PRDM16: variants seen among roughly 807,000 people sequenced by gnomAD.
PRDM16 encodes PR/SET domain 16, also known as histone-lysine N-methyltransferase PRDM16.
A neutral mutation model predicts 110.6 loss-of-function variants in PRDM16; 23 were observed. That is an observed-to-expected ratio of 0.21 (90% CI 0.15 to 0.29). The LOEUF (loss-of-function observed/expected upper bound fraction) is 0.29. Among genes scored for constraint, PRDM16 ranks in the 10% least tolerant of loss-of-function variants. The pLI is 1.00. For missense variants in PRDM16, 1,615 were observed against 1,794.3 expected, an observed-to-expected ratio of 0.90 and a Z score of 1.81; for synonymous variants, 799 against 781.8, an observed-to-expected ratio of 1.02 and a Z score of -0.37.
intron 3 of PRDM16, among the ~76,000 whole-genome samples, chr1:3,360,179 G>A (rs1449048487): frequency 6.6e-6 from 1 of 152,228 alleles, no homozygotes; most frequent in Non-Finnish European, 1.5e-5. Context: ...GGAACGGGAG[G>A]CCCAGGACAC....
intron 3 of PRDM16, among the ~76,000 whole-genome samples, chr1:3,282,013 G>T (rs1480700360): frequency 6.6e-6 from 1 of 152,206 alleles, no homozygotes; most frequent in Non-Finnish European, 1.5e-5. Context: ...CTGCAGTCAG[G>T]TCAGCCATGA....
intron 1 of PRDM16, among the ~76,000 whole-genome samples, chr1:3,156,292 G>A (rs1448974575): frequency 6.6e-6 from 1 of 152,154 alleles, no homozygotes; most frequent in Non-Finnish European, 1.5e-5. Flanking sequence ...CACTTTGAGT[G>A]TTAATTGTGA....
At chr1:3,095,611 C>T (rs1642378133) in intron 1 of PRDM16, among the ~76,000 whole-genome samples, 1 of 152,144 alleles carries the variant, frequency 6.6e-6, no homozygotes, top group Non-Finnish European at 1.5e-5. Flanking sequence ...ACAGGACGGT[C>T]TCCTCCTTCA....
At chr1:3,233,243 T>C (rs115484691) in intron 2 of PRDM16, among the ~76,000 whole-genome samples, 1,729 of 152,222 alleles carry the variant, frequency 0.011, 29 homozygotes, top group African/African-American at 0.039. Flanking sequence ...GCACCTCCTG[T>C]GTCGTCGGTG....
At chr1:3,154,996 T>A (rs1049260263) in intron 1 of PRDM16, among the ~76,000 whole-genome samples, 1 of 152,228 alleles carries the variant, frequency 6.6e-6, no homozygotes, top group Non-Finnish European at 1.5e-5. Context: ...ACAGACTGTT[T>A]CTTCCCAGAC....
intron 8 of PRDM16, among the ~76,000 whole-genome samples, chr1:3,407,808 G>A (rs1419587135): frequency 6.6e-6 from 1 of 152,222 alleles, no homozygotes; most frequent in African/African-American, 2.4e-5. Flanking sequence ...GATGGAGTGA[G>A]GACAGGGAAA....
rs560131746 is a variant in PRDM16 at position 3,430,455 on chromosome 1, G to A, written c.3285-417G>A. ...CTCTCGGGCCAGTGCCCACGTCCTC[G>A]AGTTGTCAGCCTGAATTCCTTCCCC... On this transcript the variant is annotated intron_variant, in intron 14 of 16. Transcript: ENST00000270722. Among the ~76,000 whole-genome samples the A allele has an allele frequency of 5.3e-5, 8 of 152,314 alleles. No individual in the cohort carries two copies. The South Asian group carries it at 8.3e-4, about 16-fold the overall frequency.
intron 3 of PRDM16, among the ~76,000 whole-genome samples, chr1:3,303,758 C>T (rs1260264637): frequency 1.3e-5 from 2 of 152,240 alleles, no homozygotes; most frequent in African/African-American, 2.4e-5. Flanking sequence ...CTGTGGGGTG[C>T]GGTGCATCTC....
intron 3 of PRDM16, among the ~76,000 whole-genome samples, chr1:3,298,966 T>G (rs1250137568): frequency 2.0e-5 from 3 of 152,248 alleles, no homozygotes; most frequent in Non-Finnish European, 4.4e-5. Flanking sequence ...CAGGGCTGTC[T>G]GGATGTGAAG....
At chr1:3,078,125 G>A (rs778623484) in intron 1 of PRDM16, among the ~76,000 whole-genome samples, 5 of 152,168 alleles carry the variant, frequency 3.3e-5, no homozygotes, top group African/African-American at 7.2e-5. Context: ...GCAGGGGGCT[G>A]GGGGCTTCTG....
Position 3,244,113 on chromosome 1 carries a change from G to A in PRDM16, c.414G>A (p.Ser138=), listed in dbSNP as rs201641748. 80 of 1,613,788 alleles carry A rather than the reference G, an allele frequency of 5.0e-5. No homozygotes were observed. Among genetic ancestry groups the A allele is most frequent in the African/African-American group, 8.0e-5 (6 of 74,924 alleles). Residue 138 remains serine, a synonymous_variant, in exon 3 of 17, where the codon TCG becomes TCA. Coordinates refer to ENST00000270722, the MANE Select transcript of PRDM16 (RefSeq NM_022114.4). The surrounding 1 kb of genome is among the most constrained non-coding windows in gnomAD (Gnocchi z 4.1). ...AAATACTGACGGACGTGGAAGTGTCGCCCCAGGAAGGCTGCATCACAAAGG... is the reference window on the plus strand; with the variant it reads ...AAATACTGACGGACGTGGAAGTGTCACCCCAGGAAGGCTGCATCACAAAGG... ...WEQILTDVEV[S]PQEGCITKIS... is the part of the protein sequence containing the mutation.
In PRDM16 at chr1:3,351,265, G is replaced by A. The variant is rs529046316; in HGVS notation, c.439-33887G>A. Among the ~76,000 whole-genome samples the A allele has an allele frequency of 1.6e-4, 24 of 152,216 alleles. No individual in the cohort carries two copies. In the East Asian group the frequency reaches 4.3e-3, roughly 27 times the overall value. The stretch of plus-strand genomic sequence containing the variant: ...GGTGTCCCTCCCGGTCCCTCCAGGT[G>A]GAAAAGACTCTGTTTGGCACAGGCA... On this transcript the variant is annotated intron_variant, in intron 3 of 16. Transcript: ENST00000270722.
Position 3,366,658 on chromosome 1 carries a change from G to A in PRDM16, c.439-18494G>A, listed in dbSNP as rs1208553835. ...TTTTGTTCCCAGAGAGAAAAAGGCC[G>A]TCGCACCACCCTGGGCTTGCTGGAG... is the stretch of plus-strand genomic sequence containing the variant. On this transcript the variant is annotated intron_variant, in intron 3 of 16. Coordinates refer to ENST00000270722, the MANE Select transcript of PRDM16 (RefSeq NM_022114.4). 5.3e-5 allele frequency among the ~76,000 whole-genome samples: 8 copies of A among 152,224 alleles called. No homozygotes were observed. The East Asian group carries it at 5.8e-4, about 11-fold the overall frequency.
rs913647461 is a variant in PRDM16 at position 3,209,153 on chromosome 1, A to C, written c.387+22679A>C. ...GTGGCTTTGAATATCCTAGTCAAAAATATGGGAACATTTTGGTTCCAGGGG... is the reference window on the plus strand; with the variant it reads ...GTGGCTTTGAATATCCTAGTCAAAACTATGGGAACATTTTGGTTCCAGGGG... On this transcript the variant is annotated intron_variant, in intron 2 of 16. Coordinates refer to ENST00000270722, the MANE Select transcript of PRDM16 (RefSeq NM_022114.4). This position sits in a 1 kb window ranked among gnomAD's most constrained non-coding sequence, Gnocchi z 4.6. Among the ~76,000 whole-genome samples the C allele has an allele frequency of 6.6e-6, 1 of 152,230 alleles. No individual in the cohort carries two copies.
At chr1:3,196,729 C>T (rs1180376261) in intron 2 of PRDM16, among the ~76,000 whole-genome samples, 1 of 152,240 alleles carries the variant, frequency 6.6e-6, no homozygotes, top group Non-Finnish European at 1.5e-5. Context: ...GAGAAGCGAT[C>T]ATTGTGGGGC....
At chr1:3,408,744 G>A (rs1643608625) in intron 8 of PRDM16, among the ~76,000 whole-genome samples, 1 of 148,198 alleles carries the variant, frequency 6.7e-6, no homozygotes, top group South Asian at 2.3e-4. Flanking sequence ...GTGAGCCGGT[G>A]CATGTGTTGG....
intron 14 of PRDM16, among the ~76,000 whole-genome samples, chr1:3,427,697 G>C (rs1160962272): frequency 6.6e-6 from 1 of 152,116 alleles, no homozygotes; most frequent in African/African-American, 2.4e-5. Flanking sequence ...TCACCTGTAG[G>C]GCCCTCAGCA....
chr1:3,436,942 G>A lies in PRDM16; in HGVS notation c.*3131G>A, dbSNP rs990310273. 2.2e-5 allele frequency: 5 copies of A among 230,222 alleles called. No individual in the cohort carries two copies. The highest frequency in any genetic ancestry group is 1.1e-4 in the Admixed American group (2 of 17,612). 14.3% of individuals were successfully genotyped at this position (230,222 alleles called of 1,614,324 possible). On this transcript the variant is annotated 3_prime_UTR_variant, in exon 17 of 17. Coordinates refer to ENST00000270722, the MANE Select transcript of PRDM16 (RefSeq NM_022114.4). The stretch of plus-strand genomic sequence containing the variant: ...TGGAAATTCCGAAGGAGGCCTCCTC[G>A]CACCTGCCCTCCGCTGCTCCTCAGA...
At chr1:3,296,338 C>A (rs1233331615) in intron 3 of PRDM16, among the ~76,000 whole-genome samples, 1 of 152,238 alleles carries the variant, frequency 6.6e-6, no homozygotes, top group Non-Finnish European at 1.5e-5. Flanking sequence ...GAGAGGCAGC[C>A]AGGGAGCTGC....
Sources: allele counts gnomAD v4.1 joint callset (sites outside exome capture counted in the v4.1 genomes callset), GRCh38; gene constraint gnomAD v4.1.1; non-coding constraint Gnocchi (gnomAD v3.1); transcripts MANE v1.5; gene names NCBI Gene and HGNC (gene_info 2026-07-23, HGNC 2026-07-21).